The following WDR43 variants were observed in gnomAD, a reference collection of about 807,000 sequenced individuals.
WDR43 encodes the protein WD repeat domain 43.
WDR43 carries 13 observed loss-of-function variants against 91.4 expected under a neutral mutation model. That is an observed-to-expected ratio of 0.14 (90% CI 0.09 to 0.23). WDR43 has a LOEUF of 0.23. WDR43 is among the 10% of genes least tolerant of loss of function. The pLI is 1.00. For missense variants in WDR43, 780 were observed against 809.4 expected (o/e 0.96, Z 0.44); for synonymous variants, 331 against 287.9 (o/e 1.15, Z -1.51).
rs779467686 is a variant in WDR43 at position 28,912,667 on chromosome 2, G to C, written c.563G>C (p.Arg188Pro). 1 of 1,613,810 alleles carries C rather than the reference G, an allele frequency of 6.2e-7. No homozygotes were observed. The highest frequency in any genetic ancestry group is 1.3e-5 in the African/African-American group (1 of 74,904). ...PDGKMLLSAG[R>P]TIKLWVLETK... ...GGAAAGATGTTGCTTTCAGCTGGTC[G>C]AACAATCAAACTATGGGTTTTGGAG... The change falls in exon 4 of 18, where the codon CGA becomes CCA. Residue 188 changes from arginine to proline, a missense_variant. This residue lies in a region of WDR43 where 174 missense variants were observed against 207.3 expected (regional missense o/e 0.84). Transcript: ENST00000407426.
At chr2:28,910,678 AAT>A (rs71403628) in intron 3 of WDR43, among the ~76,000 whole-genome samples, 58 of 142,646 alleles carry the variant, frequency 4.1e-4, no homozygotes, top group Middle Eastern at 3.5e-3. Flanking sequence ...TGTGTGTGTA[AAT>A]ATATATATAT....
rs115258114 is a variant in WDR43, at chr2:28,911,437, G to A, written c.486-1153G>A. Among the ~76,000 whole-genome samples, 1,125 of 151,886 alleles carry A rather than the reference G, an allele frequency of 7.4e-3. 15 individuals carry two copies. Among genetic ancestry groups the A allele is most frequent in the African/African-American group, 0.025 (1,052 of 41,402 alleles). ...GCCTCCTGAGTAGCTGGGACTATAGGCGTCCTCCATCATGCCTGGCTAATT... is the reference window on the plus strand; with the variant it reads ...GCCTCCTGAGTAGCTGGGACTATAGACGTCCTCCATCATGCCTGGCTAATT... On this transcript the variant is annotated intron_variant, in intron 3 of 17. Transcript: ENST00000407426.
chr2:28,898,695 T>TA lies in WDR43; in HGVS notation c.226-3282dup, dbSNP rs765987185. 2.2e-3 allele frequency among the ~76,000 whole-genome samples: 322 copies of TA among 146,606 alleles called. 2 individuals are homozygous for TA. The East Asian group carries it at 0.038, about 17-fold the overall frequency. On this transcript the variant is annotated intron_variant, in intron 1 of 17. Coordinates refer to ENST00000407426, the MANE Select transcript of WDR43 (RefSeq NM_015131.3). ...TAATAAACTTAGTGGATTGTAACAT[T>TA]AAAAAAAAAACAAAATAGAATGGAA...
chr2:28,934,655 C>G (rs1394837584), intron 11 of WDR43, among the ~76,000 whole-genome samples: 1 of 152,132 alleles, frequency 6.6e-6, no homozygotes, highest in African/African-American at 2.4e-5. Flanking sequence ...GAGGTCAAAG[C>G]TGCAGTGAGC....
chr2:28,928,553 A>G (rs1204998225), intron 10 of WDR43, among the ~76,000 whole-genome samples: 1 of 152,236 alleles, frequency 6.6e-6, no homozygotes, highest in Admixed American at 6.5e-5. Flanking sequence ...TAAACCAAGC[A>G]CATCTGTTTG....
Position 28,940,098 on chromosome 2 carries a change from C to T in WDR43, c.1621-1363C>T, listed in dbSNP as rs1390950590. Among the ~76,000 whole-genome samples the T allele has an allele frequency of 6.6e-5, 7 of 106,574 alleles. No homozygotes were observed. The East Asian group carries it at 1.7e-3, about 25-fold the overall frequency. The allele number at this position is 106,574 out of a possible 152,430, so 69.9% of individuals were successfully genotyped here. Reference sequence around the variant, plus strand: ...CTGCACTCCAGCCTGGGCGACAGAGCGAGACTCCGTCTCAAAAAAAAAAAA... The same window carrying T: ...CTGCACTCCAGCCTGGGCGACAGAGTGAGACTCCGTCTCAAAAAAAAAAAA... On this transcript the variant is annotated intron_variant, in intron 14 of 17. Coordinates refer to ENST00000407426, the MANE Select transcript of WDR43 (RefSeq NM_015131.3).
At position 28,935,595 on chromosome 2, in the gene WDR43, G is replaced by T; in HGVS notation, c.1512G>T (p.Pro504=). The stretch of plus-strand genomic sequence containing the variant: ...GGATGCCCCTGCATACTATTATTCC[G>T]TTGTTACAAGAGGTAACTGACTGCT... The part of the protein sequence containing the change: ...VLRMPLHTII[P]LLQELTKRLQ... Residue 504 remains proline (P), a synonymous_variant, in exon 12 of 18, where the codon CCG becomes CCT. Transcript: ENST00000407426. 2 of 1,583,766 alleles carry T rather than the reference G, an allele frequency of 1.3e-6. No individual in the cohort carries two copies. Among genetic ancestry groups the T allele is most frequent in the Non-Finnish European group, 1.7e-6 (2 of 1,164,694 alleles).
At position 28,894,752 on chromosome 2, in the gene WDR43, T is replaced by G; in HGVS notation, c.54T>G (p.Pro18=). The G allele has an allele frequency of 1.3e-6, 2 of 1,597,930 alleles. No homozygotes were observed. The highest frequency in any genetic ancestry group is 1.7e-6 in the Non-Finnish European group (2 of 1,172,858). ...ACCCCCTGGCCCCTGCTGGGGTCCC[T>G]TGCGCCTTCTCCCCGCACAGCCAGG... is the stretch of plus-strand genomic sequence containing the variant. The part of the protein sequence containing the change: ...SCDPLAPAGV[P]CAFSPHSQAY... Residue 18 remains proline, a synonymous_variant, in exon 1 of 18, where the codon CCT becomes CCG. Transcript: ENST00000407426.
intron 6 of WDR43, among the ~76,000 whole-genome samples, chr2:28,918,396 T>G (rs1670958521): frequency 6.6e-6 from 1 of 151,984 alleles, no homozygotes; most frequent in Non-Finnish European, 1.5e-5. Flanking sequence ...GAGACGGAGT[T>G]TCGCTCTTGT....
chr2:28,907,797 G>A (rs546744711), intron 3 of WDR43, among the ~76,000 whole-genome samples: 6 of 152,084 alleles, frequency 3.9e-5, no homozygotes, highest in South Asian at 2.1e-4. Flanking sequence ...CCAGCTACTC[G>A]GGAGGCTGAG....
chr2:28,917,198 G>A (rs1264363570), intron 5 of WDR43, among the ~76,000 whole-genome samples: 1 of 152,168 alleles, frequency 6.6e-6, no homozygotes, highest in Non-Finnish European at 1.5e-5. Context: ...CATTGAATGT[G>A]TTAGGCAACT....
At chr2:28,912,156 G>A (rs1458052657) in intron 3 of WDR43, among the ~76,000 whole-genome samples, 2 of 152,126 alleles carry the variant, frequency 1.3e-5, no homozygotes, top group Non-Finnish European at 2.9e-5. Context: ...TGTTATTAAG[G>A]GAATTAATTA....
intron 5 of WDR43, among the ~76,000 whole-genome samples, chr2:28,916,457 A>G (rs1291532622): frequency 6.6e-6 from 1 of 152,148 alleles, no homozygotes; most frequent in African/African-American, 2.4e-5. Context: ...ATAGGTGGGT[A>G]GTGGTATTTT....
rs1671570952 is a variant in WDR43 at position 28,947,682 on chromosome 2, T to C, written c.*903T>C. On this transcript the variant is annotated 3_prime_UTR_variant, in exon 18 of 18. Coordinates refer to ENST00000407426, the MANE Select transcript of WDR43 (RefSeq NM_015131.3). ...ATTAATGATAACCTTGTTGGAATTT[T>C]TTTTCCAAAGAAAATATTTTTATAA... 1 of 151,958 alleles carries C rather than the reference T, an allele frequency of 6.6e-6. No homozygotes were observed. The allele number at this position is 151,958 out of a possible 1,614,324, so 9.4% of individuals were successfully genotyped here.
Position 28,894,986 on chromosome 2 carries a change from C to T in WDR43, c.225+63C>T. 5 of 1,415,178 alleles carry T rather than the reference C, an allele frequency of 3.5e-6. 1 individual carries two copies. The highest frequency in any genetic ancestry group is 1.5e-5 in the South Asian group (1 of 67,184). The allele number at this position is 1,415,178 out of a possible 1,614,324, so 87.7% of individuals were successfully genotyped here. A position where few individuals can be genotyped will look rare whatever the true frequency, so the allele number is the denominator to read the frequency against. On this transcript the variant is annotated intron_variant, in intron 1 of 17. Transcript: ENST00000407426. ...CGGGCTCGGCTTCGGGCCTCCGGGC[C>T]GGGTGGCGCGTGGTCCGGCATCGCG...
chr2:28,926,984 A>G, intron 9 of WDR43: 1 of 497,322 alleles, frequency 2.0e-6, no homozygotes, highest in South Asian at 1.4e-5. Context: ...GAGCATCATC[A>G]TGGTGCTCCA....
chr2:28,922,016 T>C (rs758847159), intron 6 of WDR43, among the ~76,000 whole-genome samples: 2 of 152,240 alleles, frequency 1.3e-5, no homozygotes, highest in Non-Finnish European at 2.9e-5. Flanking sequence ...GGCCCTCCCC[T>C]GACAACTGTC....
chr2:28,923,352 A>G (rs1484014441), intron 7 of WDR43, among the ~76,000 whole-genome samples: 7 of 152,120 alleles, frequency 4.6e-5, no homozygotes, highest in African/African-American at 1.7e-4. Flanking sequence ...ACAGGGGAGT[A>G]TTGTTGTCAG....
chr2:28,902,955 G>T (rs1433067799), intron 2 of WDR43, among the ~76,000 whole-genome samples: 1 of 152,052 alleles, frequency 6.6e-6, no homozygotes, highest in Non-Finnish European at 1.5e-5. Flanking sequence ...AATAACATTT[G>T]TCTATAGGAA....
Sources: allele counts gnomAD v4.1 joint callset (sites outside exome capture counted in the v4.1 genomes callset), GRCh38; gene constraint gnomAD v4.1.1; regional missense constraint gnomAD v4.1.1; transcripts MANE v1.5; gene names NCBI Gene and HGNC (gene_info 2026-07-23, HGNC 2026-07-21).